CCDC171: variants seen among roughly 807,000 people sequenced by gnomAD.
CCDC171 encodes the protein coiled-coil domain containing 171.
A neutral mutation model predicts 168.2 loss-of-function variants in CCDC171; 177 were observed. The observed-to-expected ratio is 1.05, with a 90% CI of 0.93 to 1.19. CCDC171 has a LOEUF of 1.19. CCDC171 is among the 50% of genes most tolerant of loss of function. The pLI is 0.00. For synonymous variants in CCDC171, 687 were observed against 540.8 expected (o/e 1.27, Z -3.75); for missense variants, 1,991 against 1,539.0 (o/e 1.29, Z -4.91).
At chr9:15,562,549 T>C (rs765285569) in intron 1 of CCDC171, among the ~76,000 whole-genome samples, 26 of 152,138 alleles carry the variant, frequency 1.7e-4, no homozygotes, top group Non-Finnish European at 3.4e-4. Flanking sequence ...TTTAACTTTA[T>C]TGAAACAACT....
At chr9:15,749,693 G>C (rs2055579386) in intron 18 of CCDC171, among the ~76,000 whole-genome samples, 2 of 152,148 alleles carry the variant, frequency 1.3e-5, no homozygotes, top group Non-Finnish European at 2.9e-5. Flanking sequence ...CAACTACATG[G>C]AAACTGAACA....
chr9:15,620,099 G>A (rs531985207), intron 6 of CCDC171, among the ~76,000 whole-genome samples: 10 of 152,342 alleles, frequency 6.6e-5, no homozygotes, highest in African/African-American at 2.2e-4. Flanking sequence ...TGATGGTTAT[G>A]TACCAGCAAG....
chr9:15,636,503 C>G (rs1289085678), intron 7 of CCDC171, among the ~76,000 whole-genome samples: 3 of 151,964 alleles, frequency 2.0e-5, no homozygotes, highest in Admixed American at 2.0e-4. Context: ...AATCCCAGCA[C>G]TTTGGGAGAC....
intron 25 of CCDC171, among the ~76,000 whole-genome samples, chr9:15,961,130 C>G (rs1346595151): frequency 6.6e-6 from 1 of 152,134 alleles, no homozygotes; most frequent in Non-Finnish European, 1.5e-5. Flanking sequence ...TTCTTTCAAA[C>G]TACTTTAAAT....
intron 3 of CCDC171, among the ~76,000 whole-genome samples, chr9:16,015,934 C>T (rs543333312): frequency 4.4e-4 from 67 of 152,288 alleles, no homozygotes; most frequent in African/African-American, 1.5e-3. Context: ...CGTGTTGTAG[C>T]GTGTATCCAA....
chr9:15,871,673 C>T (rs772574104), intron 23 of CCDC171, among the ~76,000 whole-genome samples: 1 of 151,794 alleles, frequency 6.6e-6, no homozygotes, highest in Non-Finnish European at 1.5e-5. Context: ...TTTTCATGAA[C>T]GAACTTAATG....
chr9:16,085,369 G>A, the CCDC171 span, among the ~76,000 whole-genome samples: 3 of 152,214 alleles, frequency 2.0e-5, no homozygotes, highest in Non-Finnish European at 4.4e-5. Context: ...GCTGACCTCA[G>A]CTGCATGTAG....
At chr9:15,940,450 C>T (rs1360488741) in intron 25 of CCDC171, among the ~76,000 whole-genome samples, 1 of 151,866 alleles carries the variant, frequency 6.6e-6, no homozygotes, top group Non-Finnish European at 1.5e-5. Flanking sequence ...GAAGGATATA[C>T]ACAATAATTT....
At chr9:15,837,277 C>T (rs931199151) in intron 21 of CCDC171, among the ~76,000 whole-genome samples, 1 of 152,090 alleles carries the variant, frequency 6.6e-6, no homozygotes, top group African/African-American at 2.4e-5. Flanking sequence ...CACTAGATGG[C>T]GATCTCGCTC....
At chr9:15,559,892 G>T (rs541045572) in intron 1 of CCDC171, among the ~76,000 whole-genome samples, 1 of 152,140 alleles carries the variant, frequency 6.6e-6, no homozygotes, top group South Asian at 2.1e-4. Context: ...TCCATGTTTA[G>T]TGCTTCCTTC....
intron 8 of CCDC171, among the ~76,000 whole-genome samples, chr9:15,657,447 T>C (rs762758899): frequency 2.6e-5 from 4 of 152,200 alleles, no homozygotes; most frequent in Admixed American, 1.3e-4. Context: ...CTGTCTGTTC[T>C]TGTGAAGTTT....
chr9:15,591,973 G>T (rs2042037435), intron 5 of CCDC171, among the ~76,000 whole-genome samples: 1 of 151,940 alleles, frequency 6.6e-6, no homozygotes, highest in Non-Finnish European at 1.5e-5. Flanking sequence ...AGCATGTTTT[G>T]TATAAACATG....
intron 21 of CCDC171, among the ~76,000 whole-genome samples, chr9:15,826,872 C>T (rs995155486): frequency 6.6e-6 from 1 of 152,158 alleles, no homozygotes; most frequent in Non-Finnish European, 1.5e-5. Context: ...ATTAATTTGT[C>T]GTATGTAACC....
chr9:15,948,020 C>T (rs1246642366), intron 25 of CCDC171, among the ~76,000 whole-genome samples: 1 of 150,760 alleles, frequency 6.6e-6, no homozygotes, highest in Non-Finnish European at 1.5e-5. Flanking sequence ...GTTCCCCTTC[C>T]TGTGTCCATG....
chr9:15,629,118 G>A (rs921677479), intron 7 of CCDC171, among the ~76,000 whole-genome samples: 1 of 152,256 alleles, frequency 6.6e-6, no homozygotes, highest in South Asian at 2.1e-4. Flanking sequence ...CTAAAAAGCA[G>A]AGCGCCTCTC....
chr9:15,745,117 A>G (rs1029411616), intron 17 of CCDC171, among the ~76,000 whole-genome samples: 2 of 152,222 alleles, frequency 1.3e-5, no homozygotes, highest in African/African-American at 2.4e-5. Flanking sequence ...TCAAATTACC[A>G]GTATAATTTA....
chr9:15,932,459 A>G (rs1589162804), intron 25 of CCDC171, among the ~76,000 whole-genome samples: 2 of 151,784 alleles, frequency 1.3e-5, no homozygotes, highest in Non-Finnish European at 2.9e-5. Flanking sequence ...TATTGATATT[A>G]TATCCTGCAA....
chr9:15,630,813 C>G (rs1379950732), intron 7 of CCDC171, among the ~76,000 whole-genome samples: 1 of 152,158 alleles, frequency 6.6e-6, no homozygotes, highest in Non-Finnish European at 1.5e-5. Context: ...GAAATTATAA[C>G]AAACTGTCTC....
At chr9:15,747,352 C>T (rs1316148575) in intron 18 of CCDC171, among the ~76,000 whole-genome samples, 2 of 152,194 alleles carry the variant, frequency 1.3e-5, no homozygotes, top group East Asian at 3.9e-4. Context: ...CCCTGCCTGA[C>T]AGCTCTGAAG....
Sources: allele counts gnomAD v4.1 joint callset (sites outside exome capture counted in the v4.1 genomes callset), GRCh38; gene constraint gnomAD v4.1.1; transcripts MANE v1.5; gene names NCBI Gene and HGNC (gene_info 2026-07-23, HGNC 2026-07-21).